The following ALPK1 variants were observed in gnomAD, a reference collection of about 807,000 sequenced individuals.
The protein encoded by ALPK1 is alpha kinase 1, also known as alpha-protein kinase 1.
In ALPK1, 110 loss-of-function variants were observed where a neutral mutation model predicts 120.6. That is an observed-to-expected ratio of 0.91 (90% confidence interval 0.78 to 1.07). The LOEUF is 1.07. ALPK1 is among the 50% of genes least tolerant of loss of function. The probability of loss-of-function intolerance (pLI) is 0.00; values close to 1 mark genes in which losing one functional copy is unlikely to be tolerated. For synonymous variants in ALPK1, 582 were observed against 560.3 expected (o/e 1.04, Z -0.55); for missense variants, 1,498 against 1,483.9 (o/e 1.01, Z -0.16).
At chr4:112,315,187 G>A (rs900055988) in intron 1 of ALPK1, among the ~76,000 whole-genome samples, 4 of 151,964 alleles carry the variant, frequency 2.6e-5, no homozygotes, top group Admixed American at 2.0e-4. Context: ...CGGCCACATT[G>A]TCATTTTAAT....
chr4:112,408,154 G>T (rs539014426), intron 4 of ALPK1, among the ~76,000 whole-genome samples: 2 of 152,048 alleles, frequency 1.3e-5, no homozygotes, highest in South Asian at 4.2e-4. Flanking sequence ...AATCAAGCAT[G>T]CACTTAAGTG....
intron 2 of ALPK1, among the ~76,000 whole-genome samples, chr4:112,348,632 C>T (rs1730197332): frequency 6.6e-6 from 1 of 152,184 alleles, no homozygotes; most frequent in Admixed American, 6.5e-5. Context: ...GGCGGTTCTC[C>T]GTTACCATCT....
intron 2 of ALPK1, among the ~76,000 whole-genome samples, chr4:112,353,235 C>A (rs193188455): frequency 1.2e-3 from 188 of 152,254 alleles, no homozygotes; most frequent in Middle Eastern, 3.4e-3. Context: ...CTCAGCCTCC[C>A]AAAGTGCTGG....
At chr4:112,401,986 G>A (rs1732935107) in intron 4 of ALPK1, among the ~76,000 whole-genome samples, 1 of 152,228 alleles carries the variant, frequency 6.6e-6, no homozygotes, top group East Asian at 1.9e-4. Context: ...TTAGTGGGTG[G>A]ACAAATATGG....
Position 112,314,508 on chromosome 4 carries a change from G to A in ALPK1, c.-152-1293G>A, listed in dbSNP as rs561006931. 9.2e-5 allele frequency among the ~76,000 whole-genome samples: 14 copies of A among 152,280 alleles called. No homozygotes were observed. The East Asian group carries it at 9.7e-4, about 10-fold the overall frequency. On this transcript the variant is annotated intron_variant, in intron 1 of 15. Transcript: ENST00000650871. ...ATGACCATGGAAGTGAATGACTGAGGTTGTGTCAAGGACAACATCTTTGGA... is the reference window on the plus strand; with the variant it reads ...ATGACCATGGAAGTGAATGACTGAGATTGTGTCAAGGACAACATCTTTGGA...
At chr4:112,357,938 C>A in intron 2 of ALPK1, 1 of 825,568 alleles carries the variant, frequency 1.2e-6, no homozygotes. Flanking sequence ...GCTTACTAAG[C>A]AAGGATTGCC....
chr4:112,434,516 C>A (rs1734708495), intron 11 of ALPK1, among the ~76,000 whole-genome samples: 1 of 152,244 alleles, frequency 6.6e-6, no homozygotes, highest in African/African-American at 2.4e-5. Context: ...GGGTGTTTCT[C>A]CTCAAAGAGA....
At chr4:112,302,086 A>G (rs1234503902) in intron 1 of ALPK1, among the ~76,000 whole-genome samples, 2 of 152,058 alleles carry the variant, frequency 1.3e-5, no homozygotes, top group Non-Finnish European at 2.9e-5. Flanking sequence ...CCAACTCCCT[A>G]AAAAACAGCC....
Position 112,431,334 on chromosome 4 carries a change from A to G in ALPK1, c.1787A>G (p.Glu596Gly). The change falls in exon 11 of 16, where the codon GAG becomes GGG. Residue 596 changes from glutamate (E) to glycine (G), a missense_variant. Glu to Gly is a moderately conservative substitution (Grantham distance 98). Coordinates refer to ENST00000650871, the MANE Select transcript of ALPK1 (RefSeq NM_025144.4). ...LSGFSSSASWEEVNYHVDDRS... is the reference protein window; with the variant it reads ...LSGFSSSASWGEVNYHVDDRS... The stretch of plus-strand genomic sequence containing the variant: ...GGGTTTAGTTCCTCTGCAAGCTGGG[A>G]GGAAGTGAATTATCACGTTGACGAC... The G allele has an allele frequency of 6.2e-7, 1 of 1,614,220 alleles. No homozygotes were observed. Among genetic ancestry groups the G allele is most frequent in the South Asian group, 1.1e-5 (1 of 91,084 alleles).
At chr4:112,331,182 T>C (rs967546339) in intron 2 of ALPK1, among the ~76,000 whole-genome samples, 4 of 152,198 alleles carry the variant, frequency 2.6e-5, no homozygotes, top group Admixed American at 6.5e-5. Flanking sequence ...CATGGCCACT[T>C]TGTTCTTGAA....
chr4:112,435,059 TG>T (rs1473215840), intron 11 of ALPK1, 88 bp from the exon 12 acceptor site: 4 of 1,279,100 alleles, frequency 3.1e-6, no homozygotes, highest in African/African-American at 3.0e-5. Flanking sequence ...TCAGGTGAGC[TG>T]GCGTAGGACC....
chr4:112,331,250 G>T (rs1177169189), intron 2 of ALPK1, among the ~76,000 whole-genome samples: 1 of 152,140 alleles, frequency 6.6e-6, no homozygotes, highest in African/African-American at 2.4e-5. Context: ...GTGCAGTACT[G>T]GTCTTTTGCC....
rs1731957295 is a variant in ALPK1 at position 112,382,335 on chromosome 4, ATTGG to A, written c.122-61_122-58del. The A allele has an allele frequency of 1.7e-5, 25 of 1,451,304 alleles. No homozygotes were observed. In the South Asian group the frequency reaches 2.7e-4, roughly 16 times the overall value. 89.9% of individuals were successfully genotyped at this position (1,451,304 alleles called of 1,614,324 possible). ...TGCCACTGAGGTGCTTCATCATAAC[ATTGG>A]TAGCTCAACAGCCTTTTCTTTGACT... On this transcript the variant is annotated intron_variant, in intron 3 of 15. Transcript: ENST00000650871.
intron 2 of ALPK1, chr4:112,356,079 G>C (rs1730598377): frequency 3.9e-6 from 4 of 1,019,586 alleles, no homozygotes. Context: ...TTTTCTCACA[G>C]ACCCGAATAG....
Position 112,431,764 on chromosome 4 carries a change from A to G in ALPK1, c.2217A>G (p.Gln739=). 3 of 1,614,214 alleles carry G rather than the reference A, an allele frequency of 1.9e-6. No homozygotes were observed. The highest frequency in any genetic ancestry group is 2.5e-6 in the Non-Finnish European group (3 of 1,180,042). The change falls in exon 11 of 16, where the codon CAA becomes CAG. Residue 739 remains glutamine, a synonymous_variant. Transcript: ENST00000650871. ...ATATGGGCACACATCCTTCAGTCCA[A>G]AAAGAAGAAGCCTTTGAAATAATTG... ...PKNMGTHPSV[Q]KEEAFEIIVE...
intron 2 of ALPK1, chr4:112,356,060 G>A (rs1241028380): frequency 1.7e-5 from 14 of 828,052 alleles, no homozygotes; most frequent in Non-Finnish European, 2.8e-5. Flanking sequence ...TGAGATGTTT[G>A]GAGTGTTTTT....
In ALPK1 at chr4:112,431,250, C is replaced by T; in HGVS notation, c.1703C>T (p.Ala568Val). The T allele has an allele frequency of 1.2e-6, 2 of 1,614,152 alleles. No homozygotes were observed. Among genetic ancestry groups the T allele is most frequent in the South Asian group, 2.2e-5 (2 of 91,068 alleles). ...EPSDYSNGEGAVFNKSLSGSQ... is the reference protein window; with the variant it reads ...EPSDYSNGEGVVFNKSLSGSQ... ...TCGGACTACAGCAATGGTGAGGGAG[C>T]TGTTTTCAACAAGTCTCTGAGTGGC... Residue 568 changes from alanine (A) to valine (V), a missense_variant, in exon 11 of 16, where the codon GCT (alanine) becomes GTT (valine). By Grantham distance (64) the Ala-to-Val change is moderately conservative. Coordinates refer to ENST00000650871, the MANE Select transcript of ALPK1 (RefSeq NM_025144.4).
At position 112,358,934 on chromosome 4, in the gene ALPK1, C is replaced by T; in HGVS notation, c.-100-18744C>T. The T allele has an allele frequency of 7.8e-6, 6 of 769,112 alleles. No homozygotes were observed. The South Asian group carries it at 8.1e-5, about 10-fold the overall frequency. The allele number at this position is 769,112 out of a possible 1,614,324, so 47.6% of individuals were successfully genotyped here. A position where few individuals can be genotyped will look rare whatever the true frequency, so the allele number is the denominator to read the frequency against. On this transcript the variant is annotated intron_variant, in intron 2 of 15. Coordinates refer to ENST00000650871, the MANE Select transcript of ALPK1 (RefSeq NM_025144.4). Reference sequence around the variant, plus strand: ...AAAACCCCAAGAAGCACAGCCAGCTCCAGGGCTTCTACCAGTTTGTGCAGC... The same window carrying T: ...AAAACCCCAAGAAGCACAGCCAGCTTCAGGGCTTCTACCAGTTTGTGCAGC...
intron 2 of ALPK1, among the ~76,000 whole-genome samples, chr4:112,336,982 T>G (rs902360943): frequency 6.6e-6 from 1 of 152,138 alleles, no homozygotes; most frequent in Non-Finnish European, 1.5e-5. Context: ...GAAAATGTAG[T>G]TCATATAAGT....
Sources: gnomAD v4.1 joint callset for allele counts (sites outside exome capture counted in the v4.1 genomes callset) on GRCh38, gnomAD v4.1.1 for gene constraint, MANE v1.5 for transcripts, NCBI Gene and HGNC (gene_info 2026-07-23, HGNC 2026-07-21) for gene names.